The following PPP2CA variants were observed in gnomAD, a reference collection of about 807,000 sequenced individuals.
The protein encoded by PPP2CA is protein phosphatase 2 catalytic subunit alpha, also known as serine/threonine-protein phosphatase 2A catalytic subunit alpha isoform.
In PPP2CA, 5 loss-of-function variants were observed where a neutral mutation model predicts 38.8. The observed-to-expected ratio is 0.13, with a 90% CI of 0.07 to 0.27. The LOEUF (loss-of-function observed/expected upper bound fraction) is 0.27, where lower values mean the gene tolerates loss of function less well. PPP2CA is among the 10% of genes least tolerant of loss of function. The pLI is 1.00. For synonymous variants in PPP2CA, 152 were observed against 134.0 expected (o/e 1.13, Z -0.93); for missense variants, 88 against 389.7 (o/e 0.23, Z 6.52).
At chr5:134,221,366 G>A (rs558000624) in intron 1 of PPP2CA, among the ~76,000 whole-genome samples, 1 of 152,302 alleles carries the variant, frequency 6.6e-6, no homozygotes, top group Non-Finnish European at 1.5e-5. Flanking sequence ...GCCTGCCGTG[G>A]CCTTCCAAAG....
At chr5:134,204,036 C>T (rs537531048) in intron 2 of PPP2CA, among the ~76,000 whole-genome samples, 2 of 152,352 alleles carry the variant, frequency 1.3e-5, no homozygotes, top group East Asian at 1.9e-4. Context: ...CCGCAGAAAC[C>T]TTCCACCATC....
chr5:134,224,459 G>C (rs866065263), intron 1 of PPP2CA: 1 of 357,864 alleles, frequency 2.8e-6, no homozygotes, highest in Non-Finnish European at 5.5e-6. Flanking sequence ...AAACATATAC[G>C]TCAAACTCAT....
intron 1 of PPP2CA, among the ~76,000 whole-genome samples, chr5:134,215,567 T>G (rs538350527): frequency 7.1e-6 from 1 of 140,606 alleles, no homozygotes; most frequent in African/African-American, 2.7e-5. Flanking sequence ...AGAGCAAAAC[T>G]CCATCTCAAA....
At position 134,225,957 on chromosome 5, in the gene PPP2CA, G is replaced by A. The variant is rs1270642201; in HGVS notation, c.-96C>T. 36 of 1,189,300 alleles carry A rather than the reference G, an allele frequency of 3.0e-5. No homozygotes were observed. The highest frequency in any genetic ancestry group is 3.9e-5 in the Non-Finnish European group (33 of 837,808). 73.7% of individuals were successfully genotyped at this position (1,189,300 alleles called of 1,614,324 possible). ...GCACACGCCGCCGCCGGTTCCTCGT[G>A]TACTTCTGGCGGCTGTTGAGGCTGG... On this transcript the variant is annotated 5_prime_UTR_variant, in exon 1 of 7. Coordinates refer to ENST00000481195, the MANE Select transcript of PPP2CA (RefSeq NM_002715.4).
At chr5:134,200,922 C>A in intron 4 of PPP2CA, 63 bp downstream of exon 4, 1 of 1,308,398 alleles carries the variant, frequency 7.6e-7, no homozygotes, top group Non-Finnish European at 1.1e-6. Context: ...AATGAACTTA[C>A]AATTAAACTT....
At chr5:134,222,559 T>C (rs1362017531) in intron 1 of PPP2CA, among the ~76,000 whole-genome samples, 1 of 151,846 alleles carries the variant, frequency 6.6e-6, no homozygotes, top group Admixed American at 6.6e-5. Context: ...AAAATCTGGC[T>C]ATCAAACAAC....
intron 1 of PPP2CA, among the ~76,000 whole-genome samples, chr5:134,216,295 G>A (rs778030395): frequency 1.2e-4 from 18 of 152,102 alleles, no homozygotes; most frequent in East Asian, 7.7e-4. Context: ...CCAGCACTTC[G>A]GGAGGCCAGG....
At chr5:134,211,127 T>C (rs1762195896) in intron 1 of PPP2CA, among the ~76,000 whole-genome samples, 1 of 151,926 alleles carries the variant, frequency 6.6e-6, no homozygotes, top group South Asian at 2.1e-4. Context: ...AAGGTCTTGC[T>C]CTGTTGTCCA....
At chr5:134,215,433 G>C (rs1762296877) in intron 1 of PPP2CA, among the ~76,000 whole-genome samples, 1 of 152,040 alleles carries the variant, frequency 6.6e-6, no homozygotes, top group African/African-American at 2.4e-5. Flanking sequence ...AAATATTCTG[G>C]GCATGGTAGC....
chr5:134,225,662 G>A, intron 1 of PPP2CA, 98 bp downstream of exon 1: 3 of 1,114,838 alleles, frequency 2.7e-6, no homozygotes, highest in East Asian at 2.9e-5. Flanking sequence ...GGGGGGCCCG[G>A]ACCGGCGGCC....
Position 134,199,607 on chromosome 5 carries a change from A to C in PPP2CA, c.739-403T>G, listed in dbSNP as rs907818525. Among the ~76,000 whole-genome samples, 5 of 152,222 alleles carry C rather than the reference A, an allele frequency of 3.3e-5. No homozygotes were observed. The South Asian group carries it at 8.3e-4, about 25-fold the overall frequency. On this transcript the variant is annotated intron_variant, in intron 5 of 6. Transcript: ENST00000481195. Reference sequence around the variant, plus strand: ...AAGTGGCCATTCCCTAGAGAAGTAGATACTTAATCCTGGAGACCAGAACCT... The same window carrying C: ...AAGTGGCCATTCCCTAGAGAAGTAGCTACTTAATCCTGGAGACCAGAACCT...
Position 134,197,734 on chromosome 5 carries a change from TA to T in PPP2CA, c.*37del. On this transcript the variant is annotated 3_prime_UTR_variant, in exon 7 of 7. Coordinates refer to ENST00000481195, the MANE Select transcript of PPP2CA (RefSeq NM_002715.4). ...TCTTCCCATTTCCATTAGGTCGATA[TA>T]TGGTTCATGGCAATACTGTACAAGT... is the stretch of plus-strand genomic sequence containing the variant. 6.6e-7 allele frequency: 1 copy of T among 1,508,270 alleles called. No homozygotes were observed. The highest frequency in any genetic ancestry group is 2.3e-5 in the East Asian group (1 of 44,382). 93.4% of individuals were successfully genotyped at this position (1,508,270 alleles called of 1,614,324 possible). A position where few individuals can be genotyped will look rare whatever the true frequency, so the allele number is the denominator to read the frequency against.
intron 2 of PPP2CA, among the ~76,000 whole-genome samples, chr5:134,202,657 T>C (rs1272234554): frequency 6.6e-6 from 1 of 152,166 alleles, no homozygotes; most frequent in Non-Finnish European, 1.5e-5. Context: ...GTTACTGAGG[T>C]TTTTGGCTAC....
chr5:134,226,032 C>T lies in PPP2CA; in HGVS notation c.-171G>A. On this transcript the variant is annotated 5_prime_UTR_variant, in exon 1 of 7. Coordinates refer to ENST00000481195, the MANE Select transcript of PPP2CA (RefSeq NM_002715.4). The stretch of plus-strand genomic sequence containing the variant: ...AGTACTCGGCCGTCGGCCGCTGCGC[C>T]TCCTCCTCCGCTCGCTGAGGCTCCA... The T allele has an allele frequency of 1.8e-6, 1 of 549,008 alleles. No homozygotes were observed. The highest frequency in any genetic ancestry group is 3.2e-6 in the Non-Finnish European group (1 of 317,320). The allele number at this position is 549,008 out of a possible 1,614,324, so 34.0% of individuals were successfully genotyped here. A position where few individuals can be genotyped will look rare whatever the true frequency, so the allele number is the denominator to read the frequency against.
At chr5:134,204,538 G>A (rs1305832415) in intron 2 of PPP2CA, among the ~76,000 whole-genome samples, 1 of 152,152 alleles carries the variant, frequency 6.6e-6, no homozygotes. Context: ...ATGGCTCACT[G>A]TAGCCTTGAC....
In PPP2CA at chr5:134,198,318, G is replaced by C. The variant is rs987857512; in HGVS notation, c.858-474C>G. Among the ~76,000 whole-genome samples the C allele has an allele frequency of 4.4e-4, 67 of 151,794 alleles. 1 individual carries two copies. Among genetic ancestry groups the C allele is most frequent in the Non-Finnish European group, 8.8e-4 (60 of 67,948 alleles). On this transcript the variant is annotated intron_variant, in intron 6 of 6. Coordinates refer to ENST00000481195, the MANE Select transcript of PPP2CA (RefSeq NM_002715.4). ...TGAGGCAGGAGAATGGTGTGAACCC[G>C]GGAGGCAGAGCTTGCAGTCAGCCAA...
chr5:134,225,872 G>C lies in PPP2CA; in HGVS notation c.-11C>G, dbSNP rs576712101. The C allele has an allele frequency of 6.2e-7, 1 of 1,601,928 alleles. No individual in the cohort carries two copies. Among genetic ancestry groups the C allele is most frequent in the Non-Finnish European group, 8.5e-7 (1 of 1,177,458 alleles). On this transcript the variant is annotated 5_prime_UTR_variant, in exon 1 of 7. Coordinates refer to ENST00000481195, the MANE Select transcript of PPP2CA (RefSeq NM_002715.4). ...CACCTTCTCGTCCATGATGCCACCC[G>C]CCCCAGCCGGCTGCCGCTCCGCGCT...
Position 134,194,806 on chromosome 5 carries a change from C to T in PPP2CA, c.*2966G>A, listed in dbSNP as rs1580632709. ...TATTTTTAATAGAGATGGGGTTTCA[C>T]CACGCTGGCCAGGCTGGTCTCGATC... On this transcript the variant is annotated 3_prime_UTR_variant, in exon 7 of 7. Coordinates refer to ENST00000481195, the MANE Select transcript of PPP2CA (RefSeq NM_002715.4). The T allele has an allele frequency of 6.6e-6, 1 of 152,280 alleles. No homozygotes were observed. The highest frequency in any genetic ancestry group is 2.1e-4 in the South Asian group (1 of 4,818). 9.4% of individuals were successfully genotyped at this position (152,280 alleles called of 1,614,324 possible). A position where few individuals can be genotyped will look rare whatever the true frequency, so the allele number is the denominator to read the frequency against.
rs183809599 is a variant in PPP2CA, at chr5:134,213,766, A to C, written c.103-7635T>G. Reference sequence around the variant, plus strand: ...TCACTGTACTTCAGCCTGGGCAACAACACCATCTCAAAATAAATAAATAAA... The same window carrying C: ...TCACTGTACTTCAGCCTGGGCAACACCACCATCTCAAAATAAATAAATAAA... On this transcript the variant is annotated intron_variant, in intron 1 of 6. Transcript: ENST00000481195. Among the ~76,000 whole-genome samples the C allele has an allele frequency of 1.7e-4, 26 of 152,302 alleles. 1 individual carries two copies. The highest frequency in any genetic ancestry group is 4.2e-4 in the South Asian group (2 of 4,818).
Sources: gnomAD v4.1 joint callset for allele counts (sites outside exome capture counted in the v4.1 genomes callset) on GRCh38, gnomAD v4.1.1 for gene constraint, MANE v1.5 for transcripts, NCBI Gene and HGNC (gene_info 2026-07-23, HGNC 2026-07-21) for gene names.